The following FAM120A variants were observed in gnomAD, a reference collection of about 807,000 sequenced individuals.
FAM120A encodes the protein constitutive coactivator of PPAR-gamma-like protein 1.
FAM120A carries 15 observed loss-of-function variants against 109.7 expected under a neutral mutation model. That is an observed-to-expected ratio of 0.14 (90% confidence interval 0.09 to 0.21). The LOEUF is 0.21. Among genes scored for constraint, FAM120A ranks in the 10% least tolerant of loss-of-function variants. The pLI is 1.00. For missense variants in FAM120A, 899 were observed against 1,439.3 expected, an observed-to-expected ratio of 0.62 and a Z score of 6.07; for synonymous variants, 493 against 572.8, an observed-to-expected ratio of 0.86 and a Z score of 1.99.
chr9:93,503,052 C>G (rs562976170), intron 5 of FAM120A, among the ~76,000 whole-genome samples: 24 of 152,302 alleles, frequency 1.6e-4, no homozygotes, highest in Middle Eastern at 6.8e-3. Context: ...AAATGGGCTC[C>G]TACTACACAT....
intron 9 of FAM120A, chr9:93,531,409 T>C (rs1285487679): frequency 6.6e-6 from 1 of 152,238 alleles, no homozygotes; most frequent in Non-Finnish European, 1.5e-5. Context: ...TTGCATGATA[T>C]CTTGAGATGT....
chr9:93,491,371 A>G (rs1859311817), intron 3 of FAM120A, among the ~76,000 whole-genome samples: 1 of 152,240 alleles, frequency 6.6e-6, no homozygotes, highest in African/African-American at 2.4e-5. Context: ...TGCCTGGGTC[A>G]GGTTTGGTGG....
chr9:93,545,779 C>CTTTTTTTTTTTT (rs1564355502), intron 11 of FAM120A, among the ~76,000 whole-genome samples: 1 of 86,994 alleles, frequency 1.1e-5, no homozygotes, highest in African/African-American at 4.3e-5. Context: ...GGGAAAGACT[C>CTTTTTTTTTTTT]CTTTTTTTTT....
In FAM120A at chr9:93,497,527, T is replaced by C; in HGVS notation, c.861T>C (p.Ala287=). 6.2e-7 allele frequency: 1 copy of C among 1,613,810 alleles called. No individual in the cohort carries two copies. Among genetic ancestry groups the C allele is most frequent in the Non-Finnish European group, 8.5e-7 (1 of 1,179,900 alleles). ...PPCDVVIKAV[A]DYVRNIQDTS... Reference sequence around the variant, plus strand: ...GCGACGTAGTGATCAAAGCCGTTGCTGACTATGTACGCAACATTCAGGACA... The same window carrying C: ...GCGACGTAGTGATCAAAGCCGTTGCCGACTATGTACGCAACATTCAGGACA... Residue 287 remains alanine, a synonymous_variant, in exon 4 of 18, where the codon GCT becomes GCC. Coordinates refer to ENST00000277165, the MANE Select transcript of FAM120A (RefSeq NM_014612.5).
chr9:93,526,335 T>C (rs1216514956), intron 7 of FAM120A, among the ~76,000 whole-genome samples: 1 of 152,182 alleles, frequency 6.6e-6, no homozygotes, highest in Non-Finnish European at 1.5e-5. Flanking sequence ...ACAAAGACTT[T>C]AGGAAATAAT....
At chr9:93,513,718 TG>T (rs35142623) in intron 5 of FAM120A, among the ~76,000 whole-genome samples, 1 of 152,142 alleles carries the variant, frequency 6.6e-6, no homozygotes, top group Non-Finnish European at 1.5e-5. Context: ...GGTCGTTCTC[TG>T]GGGGGAGTCA....
At chr9:93,564,095 C>CA in intron 17 of FAM120A, 134 bp from the exon 18 acceptor site, 1 of 833,448 alleles carries the variant, frequency 1.2e-6, no homozygotes, top group Non-Finnish European at 1.9e-6. Flanking sequence ...AAAGCAAAGA[C>CA]AGGGTTAGAA....
intron 5 of FAM120A, among the ~76,000 whole-genome samples, chr9:93,510,017 A>T (rs1860238817): frequency 6.6e-6 from 1 of 152,228 alleles, no homozygotes; most frequent in African/African-American, 2.4e-5. Flanking sequence ...CTTTAAAGCT[A>T]ATGCAGATGA....
At position 93,537,864 on chromosome 9, in the gene FAM120A, C is replaced by CT. The variant is rs1861573083; in HGVS notation, c.1910-5357dup. ...TTCCCCATGATTTCTGTTAATAAGT[C>CT]TGTCTGAATTTCTTTATTCTACAGA... On this transcript the variant is annotated intron_variant, in intron 10 of 17. Transcript: ENST00000277165. Among the ~76,000 whole-genome samples, 3 of 152,128 alleles carry CT rather than the reference C, an allele frequency of 2.0e-5. 1 individual carries two copies. The South Asian group carries it at 6.2e-4, about 31-fold the overall frequency.
At chr9:93,554,804 C>G (rs1198019421) in intron 12 of FAM120A, among the ~76,000 whole-genome samples, 1 of 152,218 alleles carries the variant, frequency 6.6e-6, no homozygotes, top group Non-Finnish European at 1.5e-5. Context: ...TCTCCCTAAT[C>G]CTTGACCTGG....
chr9:93,484,698 C>G (rs1858959493), intron 3 of FAM120A, among the ~76,000 whole-genome samples: 1 of 152,180 alleles, frequency 6.6e-6, no homozygotes, highest in East Asian at 1.9e-4. Flanking sequence ...CTCAGCCTCC[C>G]AAGTAGCTGG....
At chr9:93,466,369 C>T (rs1466198030) in intron 1 of FAM120A, among the ~76,000 whole-genome samples, 1 of 152,042 alleles carries the variant, frequency 6.6e-6, no homozygotes, top group Non-Finnish European at 1.5e-5. Context: ...CTGCCTTATC[C>T]TTGCTTGCAT....
chr9:93,556,707 T>C (rs1030871550), intron 13 of FAM120A, 116 bp downstream of exon 13: 4 of 1,061,894 alleles, frequency 3.8e-6, no homozygotes, highest in Non-Finnish European at 5.6e-6. Context: ...CTGTTTTAGG[T>C]TGGGCCTGGT....
At chr9:93,519,720 G>A (rs1376754756) in intron 7 of FAM120A, among the ~76,000 whole-genome samples, 1 of 152,068 alleles carries the variant, frequency 6.6e-6, no homozygotes, top group East Asian at 1.9e-4. Flanking sequence ...GGGACACCCT[G>A]CAAAATAAAT....
chr9:93,482,203 T>G (rs903496657), intron 3 of FAM120A, among the ~76,000 whole-genome samples: 1 of 149,034 alleles, frequency 6.7e-6, no homozygotes, highest in African/African-American at 2.4e-5. Flanking sequence ...TTTTTTTTTT[T>G]GGGAGACGGA....
At chr9:93,483,623 A>C (rs1858915924) in intron 3 of FAM120A, among the ~76,000 whole-genome samples, 1 of 152,140 alleles carries the variant, frequency 6.6e-6, no homozygotes, top group South Asian at 2.1e-4. Flanking sequence ...TTATAATCCC[A>C]CTTCTCGGAG....
intron 11 of FAM120A, among the ~76,000 whole-genome samples, chr9:93,549,270 A>G (rs540150262): frequency 6.6e-6 from 1 of 152,200 alleles, no homozygotes; most frequent in Non-Finnish European, 1.5e-5. Flanking sequence ...TTGCATTTAC[A>G]TCCTACTTTT....
rs1861375094 is a variant in FAM120A, at chr9:93,532,705, C to A, written c.1909+376C>A. ...TTCATGAAGCACAGATCTGCTCTCT[C>A]CAGAAGGCCAGGGTCCTGGAGAAAA... On this transcript the variant is annotated intron_variant, in intron 10 of 17. Transcript: ENST00000277165. This position sits in a 1 kb window ranked among gnomAD's most constrained non-coding sequence, Gnocchi z 4.3. The A allele has an allele frequency of 4.3e-6, 1 of 231,088 alleles. No individual in the cohort carries two copies. The highest frequency in any genetic ancestry group is 2.3e-5 in the African/African-American group (1 of 43,478). The allele number at this position is 231,088 out of a possible 1,614,324, so 14.3% of individuals were successfully genotyped here. A position where few individuals can be genotyped will look rare whatever the true frequency, so the allele number is the denominator to read the frequency against.
intron 7 of FAM120A, among the ~76,000 whole-genome samples, chr9:93,525,269 G>A (rs1230682954): frequency 2.6e-5 from 4 of 151,152 alleles, no homozygotes; most frequent in African/African-American, 7.3e-5. Flanking sequence ...CTCAGGTGGC[G>A]CTGGCATGGT....
Sources: gnomAD v4.1 joint callset for allele counts (sites outside exome capture counted in the v4.1 genomes callset) on GRCh38, gnomAD v4.1.1 for gene constraint, Gnocchi (gnomAD v3.1) non-coding constraint, MANE v1.5 for transcripts, NCBI Gene and HGNC (gene_info 2026-07-23, HGNC 2026-07-21) for gene names.